The following GPHN variants were observed in gnomAD, a reference collection of about 807,000 sequenced individuals.
GPHN encodes gephyrin.
In GPHN, 17 loss-of-function variants were observed where a neutral mutation model predicts 95.5. The observed-to-expected ratio is 0.18, with a 90% confidence interval of 0.12 to 0.27. GPHN has a LOEUF of 0.27. Ranked by LOEUF, GPHN falls within the 10% of genes least tolerant of loss-of-function variation. The pLI, the probability that GPHN is intolerant of heterozygous loss-of-function variation, is 1.00. For synonymous variants in GPHN, 320 were observed against 322.5 expected, an observed-to-expected ratio of 0.99 and a Z score of 0.08; for missense variants, 660 against 978.1, an observed-to-expected ratio of 0.67 and a Z score of 4.34.
At chr14:67,542,651 A>G in the GPHN span, among the ~76,000 whole-genome samples, 2 of 152,178 alleles carry the variant, frequency 1.3e-5, no homozygotes, top group Non-Finnish European at 2.9e-5. Flanking sequence ...CACCTTTCCT[A>G]ATGTTTCTGT....
chr14:66,628,383 T>C (rs545517139), intron 1 of GPHN, among the ~76,000 whole-genome samples: 2 of 152,252 alleles, frequency 1.3e-5, no homozygotes, highest in South Asian at 4.1e-4. Context: ...CTACAAACTA[T>C]ACAGGATGTT....
intron 4 of GPHN, among the ~76,000 whole-genome samples, chr14:66,835,413 A>G (rs2061757381): frequency 6.6e-6 from 1 of 152,060 alleles, no homozygotes; most frequent in Admixed American, 6.6e-5. Context: ...ATTTCCCTCT[A>G]CACACTGCTT....
At chr14:66,555,336 A>G (rs2059966486) in intron 1 of GPHN, among the ~76,000 whole-genome samples, 1 of 152,218 alleles carries the variant, frequency 6.6e-6, no homozygotes, top group African/African-American at 2.4e-5. Context: ...GTATTGATAC[A>G]GCATCTGTAA....
At chr14:67,483,367 T>C in the GPHN span, among the ~76,000 whole-genome samples, 1 of 152,186 alleles carries the variant, frequency 6.6e-6, no homozygotes, top group African/African-American at 2.4e-5. Context: ...CCCACAAATC[T>C]GGTTCCAGAG....
the GPHN span, among the ~76,000 whole-genome samples, chr14:67,654,102 C>T: frequency 6.6e-6 from 1 of 152,146 alleles, no homozygotes; most frequent in Non-Finnish European, 1.5e-5. Context: ...CCTCTCAGCT[C>T]GTTCCTTGGC....
At chr14:67,643,750 G>A in the GPHN span, among the ~76,000 whole-genome samples, 2 of 149,906 alleles carry the variant, frequency 1.3e-5, no homozygotes, top group African/African-American at 2.5e-5. Flanking sequence ...TGACTCTTCT[G>A]GTGATTATTT....
At chr14:67,036,540 C>CACACACACACACACACACACACACACAG (rs946760546) in intron 10 of GPHN, among the ~76,000 whole-genome samples, 1 of 148,222 alleles carries the variant, frequency 6.7e-6, no homozygotes, top group African/African-American at 2.5e-5. Context: ...CACACACACA[C>CACACACACACACACACACACACACACAG]AGAGAAACAC....
chr14:66,916,223 A>C (rs1157669643), intron 6 of GPHN, among the ~76,000 whole-genome samples, 154 bp downstream of exon 6: 2 of 152,214 alleles, frequency 1.3e-5, no homozygotes, highest in African/African-American at 4.8e-5. Context: ...TCAGTAATTC[A>C]ATGGAAAGAC....
the GPHN span, among the ~76,000 whole-genome samples, chr14:67,355,011 C>T: frequency 2.5e-4 from 38 of 152,000 alleles, no homozygotes; most frequent in African/African-American, 9.2e-4. Context: ...CAGGTTTCTC[C>T]ATGTTGGTCA....
intron 3 of GPHN, among the ~76,000 whole-genome samples, chr14:66,789,671 A>C (rs992910240): frequency 1.2e-4 from 19 of 152,154 alleles, no homozygotes; most frequent in African/African-American, 4.1e-4. Flanking sequence ...GCTATGTAAG[A>C]AAACAGTGTG....
At chr14:66,631,814 A>G (rs113621210) in intron 1 of GPHN, among the ~76,000 whole-genome samples, 69 of 152,228 alleles carry the variant, frequency 4.5e-4, no homozygotes, top group African/African-American at 1.4e-3. Flanking sequence ...ATTTCCCACT[A>G]AAGAATCTTC....
chr14:67,099,896 A>T (rs1429427815), intron 12 of GPHN, among the ~76,000 whole-genome samples: 1 of 152,162 alleles, frequency 6.6e-6, no homozygotes, highest in Non-Finnish European at 1.5e-5. Flanking sequence ...TGCTGTTTGC[A>T]GATAACATGA....
chr14:66,793,413 C>T (rs1454535610), intron 3 of GPHN, among the ~76,000 whole-genome samples: 2 of 151,918 alleles, frequency 1.3e-5, no homozygotes, highest in African/African-American at 4.8e-5. Context: ...TCCACAGGAA[C>T]AAAATAATAA....
the GPHN span, among the ~76,000 whole-genome samples, chr14:67,378,128 A>C: frequency 1.3e-5 from 2 of 151,318 alleles, no homozygotes; most frequent in African/African-American, 4.9e-5. Flanking sequence ...GTCTCTTAAA[A>C]AAAAAAAAAA....
In GPHN at chr14:66,842,595, C is replaced by CAGT. The variant is rs1452187113; in HGVS notation, c.294+18030_294+18032dup. 5.6e-6 allele frequency: 5 copies of CAGT among 897,880 alleles called. No individual in the cohort carries two copies. The African/African-American group carries it at 8.4e-5, about 15-fold the overall frequency. 55.6% of individuals were successfully genotyped at this position (897,880 alleles called of 1,614,324 possible). Reference sequence around the variant, plus strand: ...CAGGCTGGTTCTTATTTCCCTGAACCAGTTTGTACAGCCCTAAATTTGACC... The same window carrying CAGT: ...CAGGCTGGTTCTTATTTCCCTGAACCAGTAGTTTGTACAGCCCTAAATTTGACC... On this transcript the variant is annotated intron_variant, in intron 4 of 22. Coordinates refer to ENST00000478722, the MANE Select transcript of GPHN (RefSeq NM_020806.5).
At chr14:67,362,731 G>A in the GPHN span, among the ~76,000 whole-genome samples, 1 of 151,924 alleles carries the variant, frequency 6.6e-6, no homozygotes, top group African/African-American at 2.4e-5. Flanking sequence ...TCGATATTGC[G>A]GAATGATTTT....
the GPHN span, chr14:67,317,270 G>A: frequency 4.1e-5 from 28 of 676,628 alleles, no homozygotes; most frequent in Admixed American, 1.6e-4. Context: ...CAAGACAAGC[G>A]TGGCCAACAT....
chr14:67,410,453 G>A, the GPHN span, among the ~76,000 whole-genome samples: 3 of 152,242 alleles, frequency 2.0e-5, no homozygotes, highest in African/African-American at 7.2e-5. Flanking sequence ...TGTAGTCTGA[G>A]GTGCAGCCAC....
the GPHN span, among the ~76,000 whole-genome samples, chr14:67,213,787 T>A: frequency 6.6e-6 from 1 of 152,236 alleles, no homozygotes; most frequent in Admixed American, 6.5e-5. Context: ...ACCAATAGTG[T>A]AAAAGTGTTC....
Sources: allele counts gnomAD v4.1 joint callset (sites outside exome capture counted in the v4.1 genomes callset), GRCh38; gene constraint gnomAD v4.1.1; transcripts MANE v1.5; gene names NCBI Gene and HGNC (gene_info 2026-07-23, HGNC 2026-07-21).